The following ACER2 variants were observed in gnomAD, a reference collection of about 807,000 sequenced individuals.
ACER2 encodes the protein alkCDase 2.
Under a neutral mutation model 34.7 loss-of-function variants are expected in ACER2, and 26 were observed. The observed-to-expected ratio is 0.75, with a 90% CI of 0.55 to 1.04. The LOEUF is 1.04. Among genes scored for constraint, ACER2 ranks in the 50% least tolerant of loss-of-function variants. The pLI is 0.00. For missense variants in ACER2, 352 were observed against 340.8 expected, an observed-to-expected ratio of 1.03 and a Z score of -0.26; for synonymous variants, 138 against 132.1, an observed-to-expected ratio of 1.04 and a Z score of -0.31.
intron 5 of ACER2, among the ~76,000 whole-genome samples, chr9:19,449,694 G>T (rs1159067120): frequency 2.6e-5 from 4 of 151,910 alleles, no homozygotes; most frequent in Non-Finnish European, 5.9e-5. Context: ...GACCAGCCTG[G>T]CCAACATGGT....
chr9:19,441,020 A>T (rs1173630499), intron 4 of ACER2, among the ~76,000 whole-genome samples: 1 of 150,366 alleles, frequency 6.7e-6, no homozygotes, highest in African/African-American at 2.4e-5. Context: ...CAAACATGCC[A>T]TTTCAGCACA....
At chr9:19,450,389 A>G (rs1018983685) in intron 5 of ACER2, 61 bp from the exon 6 acceptor site, 2 of 1,471,040 alleles carry the variant, frequency 1.4e-6, no homozygotes, top group Non-Finnish European at 1.8e-6. Flanking sequence ...GGAGCAGGCT[A>G]AACTCAGGGC....
At chr9:19,434,051 T>C (rs1268014379) in intron 3 of ACER2, among the ~76,000 whole-genome samples, 3 of 132,754 alleles carry the variant, frequency 2.3e-5, no homozygotes, top group African/African-American at 6.2e-5. Context: ...TCCTCACTTC[T>C]CAGACGGGGC....
intron 1 of ACER2, among the ~76,000 whole-genome samples, chr9:19,411,241 C>G (rs1446941300): frequency 1.3e-5 from 2 of 152,206 alleles, no homozygotes; most frequent in Non-Finnish European, 2.9e-5. Context: ...ATCTGACAAA[C>G]TTTATTCCTT....
chr9:19,446,400 C>T lies in ACER2; in HGVS notation c.623C>T (p.Pro208Leu). The change falls in exon 5 of 6, where the codon CCC becomes CTC. Residue 208 changes from proline to leucine, a missense_variant. Transcript: ENST00000340967. ...GAGCTGCTGTCATCCTTCAACTTCC[C>T]CTACCTGCACTGCATGTGGTAAGCC... ...FCELLSSFNF[P>L]YLHCMWHILI... 1 of 1,614,190 alleles carries T rather than the reference C, an allele frequency of 6.2e-7. No homozygotes were observed. The highest frequency in any genetic ancestry group is 8.5e-7 in the Non-Finnish European group (1 of 1,180,030).
At chr9:19,417,612 G>T (rs1394843985) in intron 1 of ACER2, among the ~76,000 whole-genome samples, 2 of 152,122 alleles carry the variant, frequency 1.3e-5, no homozygotes, top group Non-Finnish European at 2.9e-5. Context: ...AACAAGCAAT[G>T]GGGAAAGGAT....
intron 1 of ACER2, among the ~76,000 whole-genome samples, chr9:19,421,550 A>G (rs1830408065): frequency 6.6e-6 from 1 of 152,210 alleles, no homozygotes; most frequent in South Asian, 2.1e-4. Context: ...AATAGATAAA[A>G]TCATAAAGAC....
At chr9:19,425,903 A>G (rs1215775862) in intron 3 of ACER2, among the ~76,000 whole-genome samples, 1 of 152,236 alleles carries the variant, frequency 6.6e-6, no homozygotes, top group Non-Finnish European at 1.5e-5. Context: ...GGAAAAGAAA[A>G]TAATTCATTA....
At position 19,438,004 on chromosome 9, in the gene ACER2, A is replaced by G. The variant is rs149737940; in HGVS notation, c.503+2920A>G. On this transcript the variant is annotated intron_variant, in intron 4 of 5. Transcript: ENST00000340967. Reference sequence around the variant, plus strand: ...TTCCATGGTGCCCATTACCTCTGAAAAGTCAAAGGTCTGTATCTTGCTAAT... The same window carrying G: ...TTCCATGGTGCCCATTACCTCTGAAGAGTCAAAGGTCTGTATCTTGCTAAT... Among the ~76,000 whole-genome samples the G allele has an allele frequency of 2.6e-3, 395 of 152,280 alleles. 2 individuals carry two copies. The highest frequency in any genetic ancestry group is 9.2e-3 in the African/African-American group (381 of 41,552).
Position 19,443,720 on chromosome 9 carries a change from G to A in ACER2, c.504-2561G>A, listed in dbSNP as rs535775275. ...GAAGCTCAGGCTGGAGCAGTGGTGCGATCTCAGCTCTCTGCAACCTCCACA... is the reference window on the plus strand; with the variant it reads ...GAAGCTCAGGCTGGAGCAGTGGTGCAATCTCAGCTCTCTGCAACCTCCACA... On this transcript the variant is annotated intron_variant, in intron 4 of 5. Coordinates refer to ENST00000340967, the MANE Select transcript of ACER2 (RefSeq NM_001010887.3). Among the ~76,000 whole-genome samples, 118 of 152,062 alleles carry A rather than the reference G, an allele frequency of 7.8e-4. 3 individuals carry two copies. Among genetic ancestry groups the A allele is most frequent in the Middle Eastern group, 6.8e-3 (2 of 294 alleles).
intron 5 of ACER2, chr9:19,450,100 G>A (rs1831511845): frequency 1.5e-6 from 1 of 676,934 alleles, no homozygotes; most frequent in Middle Eastern, 7.2e-4. Context: ...GAGAAGGTGG[G>A]TTCTAATCAG....
At chr9:19,413,078 T>G (rs1589030393) in intron 1 of ACER2, among the ~76,000 whole-genome samples, 2 of 152,264 alleles carry the variant, frequency 1.3e-5, no homozygotes, top group South Asian at 4.1e-4. Context: ...CTAAAGAGAG[T>G]GCACTGATTT....
chr9:19,413,101 C>T (rs1215131003), intron 1 of ACER2, among the ~76,000 whole-genome samples: 2 of 152,172 alleles, frequency 1.3e-5, no homozygotes, highest in South Asian at 2.1e-4. Context: ...CTTCCACTGA[C>T]AATGTTTGGG....
chr9:19,415,877 G>T (rs1830226684), intron 1 of ACER2, among the ~76,000 whole-genome samples: 1 of 152,118 alleles, frequency 6.6e-6, no homozygotes, highest in Non-Finnish European at 1.5e-5. Flanking sequence ...CTTACAGCAA[G>T]TGAGCTAAAT....
chr9:19,432,998 C>A (rs530625637), intron 3 of ACER2, among the ~76,000 whole-genome samples: 1 of 151,754 alleles, frequency 6.6e-6, no homozygotes, highest in African/African-American at 2.4e-5. Flanking sequence ...AAAAATCGCA[C>A]GAAGAAAACA....
chr9:19,445,750 C>T (rs1299468819), intron 4 of ACER2, among the ~76,000 whole-genome samples: 1 of 152,148 alleles, frequency 6.6e-6, no homozygotes, highest in Non-Finnish European at 1.5e-5. Context: ...GATCATGCAT[C>T]CGGGGCCTTG....
chr9:19,445,311 A>C (rs777115087), intron 4 of ACER2, among the ~76,000 whole-genome samples: 3 of 152,204 alleles, frequency 2.0e-5, no homozygotes, highest in Non-Finnish European at 2.9e-5. Flanking sequence ...CCTTCATTCA[A>C]CACATGTTGA....
chr9:19,429,674 T>C (rs961369846), intron 3 of ACER2, among the ~76,000 whole-genome samples: 6 of 152,246 alleles, frequency 3.9e-5, no homozygotes, highest in African/African-American at 1.4e-4. Context: ...ATAGTTTTTA[T>C]GATTTTATCT....
At chr9:19,424,965 T>C in intron 3 of ACER2, 124 bp downstream of exon 3, 1 of 1,217,286 alleles carries the variant, frequency 8.2e-7, no homozygotes. Flanking sequence ...CATATACTTG[T>C]TCAATATCTA....
Sources: gnomAD v4.1 joint callset for allele counts (sites outside exome capture counted in the v4.1 genomes callset) on GRCh38, gnomAD v4.1.1 for gene constraint, MANE v1.5 for transcripts, NCBI Gene and HGNC (gene_info 2026-07-23, HGNC 2026-07-21) for gene names.